THRB: variants seen among roughly 807,000 people sequenced by gnomAD.
THRB encodes nuclear receptor subfamily 1 group A member 2.
Under a neutral mutation model 47.8 loss-of-function variants are expected in THRB, and 12 were observed. The ratio of observed to expected loss-of-function variants is 0.25; its 90% CI spans 0.16 to 0.41. The LOEUF (loss-of-function observed/expected upper bound fraction) is 0.41. THRB is among the 10% of genes least tolerant of loss of function. THRB has a pLI of 1.00. For synonymous variants in THRB, 218 were observed against 212.2 expected (o/e 1.03, Z -0.24); for missense variants, 348 against 589.2 (o/e 0.59, Z 4.24).
At chr3:24,160,213 A>T (rs2038587092) in intron 5 of THRB, among the ~76,000 whole-genome samples, 1 of 152,128 alleles carries the variant, frequency 6.6e-6, no homozygotes, top group East Asian at 1.9e-4. Context: ...CCATGGGGAG[A>T]CTGGCCAAGG....
rs62253691 is a variant in THRB at position 24,210,931 on chromosome 3, G to A, written c.22+18007C>T. ...AAAGATGGTGGGGCCAAGTGCGGTG[G>A]CTCATGCCTGTAATGCTAGCACTTT... On this transcript the variant is annotated intron_variant, in intron 4 of 10. Transcript: ENST00000646209. Among the ~76,000 whole-genome samples the A allele has an allele frequency of 5.8e-3, 877 of 151,738 alleles. 7 individuals carry two copies. The highest frequency in any genetic ancestry group is 0.042 in the South Asian group (202 of 4,800).
intron 1 of THRB, among the ~76,000 whole-genome samples, chr3:24,366,611 C>A (rs1346556966): frequency 6.7e-6 from 1 of 148,528 alleles, no homozygotes; most frequent in African/African-American, 2.5e-5. Flanking sequence ...GACTATAGCA[C>A]AGCCTCTCAC....
chr3:24,431,263 C>CTCTCT (rs200807851), intron 1 of THRB, among the ~76,000 whole-genome samples: 19 of 41,006 alleles, frequency 4.6e-4, no homozygotes, highest in Non-Finnish European at 9.2e-4. Context: ...TCTCTCTCTA[C>CTCTCT]ACACACACAC....
chr3:24,291,557 A>T (rs2150979610), intron 3 of THRB, among the ~76,000 whole-genome samples: 1 of 152,376 alleles, frequency 6.6e-6, no homozygotes, highest in East Asian at 1.9e-4. Flanking sequence ...TAGATTACTT[A>T]TGATACATAA....
At position 24,264,204 on chromosome 3, in the gene THRB, T is replaced by C. The variant is rs536813562; in HGVS notation, c.-43+33022A>G. The stretch of plus-strand genomic sequence containing the variant: ...CTTCTTTTCCTCAAATATATCACTG[T>C]TTCTTCTGCCTCAGGACCTTTGAAC... On this transcript the variant is annotated intron_variant, in intron 3 of 10. Transcript: ENST00000646209. Among the ~76,000 whole-genome samples, 13 of 152,250 alleles carry C rather than the reference T, an allele frequency of 8.5e-5. No individual in the cohort carries two copies. In the East Asian group the frequency reaches 2.5e-3, roughly 29 times the overall value.
At chr3:24,435,935 A>G (rs2070898472) in intron 1 of THRB, among the ~76,000 whole-genome samples, 1 of 152,218 alleles carries the variant, frequency 6.6e-6, no homozygotes, top group Non-Finnish European at 1.5e-5. Context: ...TGACTAGAGA[A>G]AGCAAAAAAG....
At chr3:24,317,120 C>A (rs1335362581) in intron 2 of THRB, among the ~76,000 whole-genome samples, 1 of 152,140 alleles carries the variant, frequency 6.6e-6, no homozygotes, top group African/African-American at 2.4e-5. Context: ...TTGAGTTTAT[C>A]CTGTATATTT....
intron 2 of THRB, chr3:24,318,372 T>G (rs1419196321): frequency 6.6e-6 from 1 of 152,286 alleles, no homozygotes; most frequent in Non-Finnish European, 1.5e-5. Context: ...ACACCTGTGC[T>G]TGGTAGCTGC....
chr3:24,450,915 A>T (rs1450869327), intron 1 of THRB, among the ~76,000 whole-genome samples: 3 of 152,230 alleles, frequency 2.0e-5, no homozygotes, highest in African/African-American at 7.2e-5. Context: ...ATAAATGTGC[A>T]TTATGAAGTC....
intron 3 of THRB, among the ~76,000 whole-genome samples, chr3:24,255,917 G>A (rs761825763): frequency 5.9e-5 from 9 of 152,160 alleles, no homozygotes; most frequent in Non-Finnish European, 1.2e-4. Flanking sequence ...GGGGGTGAGG[G>A]GAAGCCTTCA....
rs1559499553 is a variant in THRB at position 24,168,490 on chromosome 3, A to ATATAT, written c.284-16001_284-16000insATATA. 7.0e-4 allele frequency among the ~76,000 whole-genome samples: 97 copies of ATATAT among 137,976 alleles called. 4 individuals are homozygous for ATATAT. The highest frequency in any genetic ancestry group is 1.6e-3 in the African/African-American group (59 of 37,460). The allele number at this position is 137,976 out of a possible 152,430, so 90.5% of individuals were successfully genotyped here. Reference sequence around the variant, plus strand: ...TCCGATTAGAAGTGTTTCAATCAATAATATATATATATATATATATGCGCC... The same window carrying ATATAT: ...TCCGATTAGAAGTGTTTCAATCAATATATATATATATATATATATATATATGCGCC... On this transcript the variant is annotated intron_variant, in intron 5 of 10. Coordinates refer to ENST00000646209, the MANE Select transcript of THRB (RefSeq NM_001354712.2).
At chr3:24,340,422 C>A (rs1297149406) in intron 1 of THRB, among the ~76,000 whole-genome samples, 1 of 151,308 alleles carries the variant, frequency 6.6e-6, no homozygotes, top group East Asian at 1.9e-4. Flanking sequence ...CTCTCTCTCT[C>A]ATCTCTGGTT....
chr3:24,418,586 C>T (rs1028476637), intron 1 of THRB, among the ~76,000 whole-genome samples: 3 of 151,912 alleles, frequency 2.0e-5, no homozygotes, highest in African/African-American at 7.2e-5. Context: ...TCCCACTTCA[C>T]ATGCACACCT....
intron 1 of THRB, among the ~76,000 whole-genome samples, chr3:24,447,836 A>C (rs1454695425): frequency 6.6e-6 from 1 of 151,994 alleles, no homozygotes; most frequent in Non-Finnish European, 1.5e-5. Flanking sequence ...TTTAGTGATC[A>C]CCCAAATGGT....
chr3:24,205,762 T>C (rs187446427), intron 4 of THRB, among the ~76,000 whole-genome samples: 112 of 152,166 alleles, frequency 7.4e-4, no homozygotes, highest in South Asian at 2.5e-3. Flanking sequence ...ACCCATCTCA[T>C]GTGCAGAGAC....
chr3:24,247,881 G>C (rs1296284856), intron 3 of THRB, among the ~76,000 whole-genome samples: 2 of 152,066 alleles, frequency 1.3e-5, no homozygotes, highest in Non-Finnish European at 2.9e-5. Flanking sequence ...CAAAAATAAA[G>C]TTTATAGCTC....
At chr3:24,434,829 A>T (rs902937581) in intron 1 of THRB, among the ~76,000 whole-genome samples, 1 of 152,178 alleles carries the variant, frequency 6.6e-6, no homozygotes, top group Non-Finnish European at 1.5e-5. Context: ...TTGGCATGTC[A>T]TGGGGAGGAA....
chr3:24,293,789 C>T (rs2056186353), intron 3 of THRB, among the ~76,000 whole-genome samples: 1 of 152,210 alleles, frequency 6.6e-6, no homozygotes, highest in African/African-American at 2.4e-5. Flanking sequence ...TGCGGCAAAG[C>T]AGATGCCATT....
chr3:24,410,228 A>G (rs1471695233), intron 1 of THRB, among the ~76,000 whole-genome samples: 1 of 151,832 alleles, frequency 6.6e-6, no homozygotes, highest in Non-Finnish European at 1.5e-5. Flanking sequence ...GTGGCTTGGG[A>G]TTGGATGAGT....
Sources: gnomAD v4.1 joint callset for allele counts (sites outside exome capture counted in the v4.1 genomes callset) on GRCh38, gnomAD v4.1.1 for gene constraint, MANE v1.5 for transcripts, NCBI Gene and HGNC (gene_info 2026-07-23, HGNC 2026-07-21) for gene names.